The following BBS5 variants were observed in gnomAD, a reference collection of about 807,000 sequenced individuals.
The protein encoded by BBS5 is BBSome complex member BBS5.
In BBS5, 39 loss-of-function variants were observed where a neutral mutation model predicts 50.2. The observed-to-expected ratio is 0.78, with a 90% CI of 0.60 to 1.01. The LOEUF is 1.01. Among genes scored for constraint, BBS5 ranks in the 50% least tolerant of loss-of-function variants. The pLI, the probability that BBS5 is intolerant of heterozygous loss-of-function variation, is 0.00. For synonymous variants in BBS5, 134 were observed against 133.1 expected (o/e 1.01, Z -0.05); for missense variants, 356 against 401.5 (o/e 0.89, Z 0.97).
chr2:169,484,735 G>A (rs1683460384), intron 2 of BBS5, among the ~76,000 whole-genome samples: 1 of 152,150 alleles, frequency 6.6e-6, no homozygotes, highest in Admixed American at 6.5e-5. Context: ...GGTGTAAAAT[G>A]GCATAAGGAA....
Position 169,497,643 on chromosome 2 carries a change from G to C in BBS5, c.635G>C (p.Arg212Thr). 6.3e-7 allele frequency: 1 copy of C among 1,595,446 alleles called. No individual in the cohort carries two copies. The stretch of plus-strand genomic sequence containing the variant: ...TGTATCTAGCGTTCAATAAAGATTA[G>C]AGATTCAAAATTTGGTTTAGCTCTT... Reference protein sequence around the residue: ...PYLQIRSIKIRDSKFGLALVI... With the variant: ...PYLQIRSIKITDSKFGLALVI... Residue 212 changes from arginine (R) to threonine (T), a missense_variant, in exon 8 of 12, where the codon AGA becomes ACA. Transcript: ENST00000295240.
intron 5 of BBS5, among the ~76,000 whole-genome samples, chr2:169,491,295 T>TC (rs1308591568): frequency 2.0e-5 from 3 of 152,088 alleles, no homozygotes; most frequent in Non-Finnish European, 2.9e-5. Flanking sequence ...ACTATGTGCT[T>TC]CCCCCCCAAA....
chr2:169,487,520 G>T (rs553640693), intron 3 of BBS5, among the ~76,000 whole-genome samples: 60 of 151,976 alleles, frequency 3.9e-4, no homozygotes, highest in African/African-American at 1.4e-3. Flanking sequence ...TTCTTTTTTA[G>T]TAGTAGTGCC....
intron 3 of BBS5, 110 bp from the exon 4 acceptor site, chr2:169,487,696 G>A (rs1245826878): frequency 1.4e-6 from 1 of 704,740 alleles, no homozygotes; most frequent in Non-Finnish European, 2.4e-6. Context: ...TTCTATATAT[G>A]TTTAATTTTT....
intron 8 of BBS5, among the ~76,000 whole-genome samples, chr2:169,498,666 G>C (rs538489880): frequency 6.6e-5 from 10 of 152,114 alleles, no homozygotes; most frequent in African/African-American, 2.2e-4. Flanking sequence ...TTAGCCGGGC[G>C]TGGTGGCGGG....
chr2:169,504,438 C>G, intron 11 of BBS5, 43 bp from the exon 12 acceptor site: 1 of 1,590,504 alleles, frequency 6.3e-7, no homozygotes, highest in Non-Finnish European at 8.6e-7. Flanking sequence ...TCTTCCTTGC[C>G]CACCTTCTCT....
chr2:169,484,547 A>T (rs1165083931), intron 2 of BBS5, among the ~76,000 whole-genome samples: 1 of 152,192 alleles, frequency 6.6e-6, no homozygotes, highest in Non-Finnish European at 1.5e-5. Context: ...CAGCAGTTTG[A>T]AAATGACCAA....
chr2:169,487,034 T>A lies in BBS5; in HGVS notation c.143-35T>A, dbSNP rs1216483547. The stretch of plus-strand genomic sequence containing the variant: ...CAGTGCTGCAAAAATGGGTTCTTAT[T>A]TAAGTTAACCTATTTTTTGTCTGTG... On this transcript the variant is annotated intron_variant, in intron 2 of 11. Transcript: ENST00000295240. 11 of 1,477,542 alleles carry A rather than the reference T, an allele frequency of 7.4e-6. 1 individual carries two copies. The South Asian group carries it at 1.1e-4, about 15-fold the overall frequency. The allele number at this position is 1,477,542 out of a possible 1,614,324, so 91.5% of individuals were successfully genotyped here. A position where few individuals can be genotyped will look rare whatever the true frequency, so the allele number is the denominator to read the frequency against.
intron 7 of BBS5, among the ~76,000 whole-genome samples, chr2:169,496,610 C>T (rs1206842492): frequency 3.3e-5 from 5 of 152,068 alleles, no homozygotes; most frequent in African/African-American, 4.8e-5. Flanking sequence ...TGGCTCACGC[C>T]TGTAATCCCA....
chr2:169,505,632 C>A lies in BBS5; in HGVS notation c.*1050C>A, dbSNP rs368799097. 131 of 248,082 alleles carry A rather than the reference C, an allele frequency of 5.3e-4. 1 individual carries two copies. The East Asian group carries it at 0.019, about 35-fold the overall frequency. 15.4% of individuals were successfully genotyped at this position (248,082 alleles called of 1,614,324 possible). A position where few individuals can be genotyped will look rare whatever the true frequency, so the allele number is the denominator to read the frequency against. On this transcript the variant is annotated 3_prime_UTR_variant, in exon 12 of 12. Transcript: ENST00000295240. ...GCGACCCCATTTGGGAGGTGAGGAG[C>A]AACTCTGCCCAGCCGCCCCGTCTGA...
intron 9 of BBS5, among the ~76,000 whole-genome samples, chr2:169,501,725 T>G (rs1445678057): frequency 6.6e-6 from 1 of 152,108 alleles, no homozygotes; most frequent in African/African-American, 2.4e-5. Context: ...CAATGACCTA[T>G]CTCTTAAAGC....
intron 8 of BBS5, among the ~76,000 whole-genome samples, chr2:169,498,452 G>A (rs1485062218): frequency 6.6e-6 from 1 of 152,078 alleles, no homozygotes; most frequent in Non-Finnish European, 1.5e-5. Context: ...TATACCAAAT[G>A]TCATATATAT....
At chr2:169,484,122 C>T (rs1412733501) in intron 2 of BBS5, among the ~76,000 whole-genome samples, 2 of 152,208 alleles carry the variant, frequency 1.3e-5, no homozygotes, top group Non-Finnish European at 2.9e-5. Context: ...ATGGCTCTTG[C>T]CTATAATTCC....
chr2:169,491,302 C>A (rs541427320), intron 5 of BBS5, among the ~76,000 whole-genome samples: 1 of 152,234 alleles, frequency 6.6e-6, no homozygotes, highest in East Asian at 1.9e-4. Context: ...GCTTCCCCCC[C>A]AAAATAATTT....
chr2:169,504,646 G>A lies in BBS5; in HGVS notation c.*64G>A. 7.8e-7 allele frequency: 1 copy of A among 1,278,358 alleles called. No homozygotes were observed. Among genetic ancestry groups the A allele is most frequent in the South Asian group, 1.2e-5 (1 of 84,076 alleles). The allele number at this position is 1,278,358 out of a possible 1,614,324, so 79.2% of individuals were successfully genotyped here. On this transcript the variant is annotated 3_prime_UTR_variant, in exon 12 of 12. Coordinates refer to ENST00000295240, the MANE Select transcript of BBS5 (RefSeq NM_152384.3). ...TCTAGTTTAAAGATACTAGTCACCT[G>A]CCATAAGTCATGGAATAGTTTTTAT... is the stretch of plus-strand genomic sequence containing the variant.
rs558611620 is a variant in BBS5, at chr2:169,490,254, G to T, written c.386+2140G>T. The stretch of plus-strand genomic sequence containing the variant: ...GTCGCCCAGGCTGGAGTGCAGTGGC[G>T]CGATGGTCGGCTCACTGCAAGCTCC... On this transcript the variant is annotated intron_variant, in intron 5 of 11. Transcript: ENST00000295240. Among the ~76,000 whole-genome samples, 4 of 136,478 alleles carry T rather than the reference G, an allele frequency of 2.9e-5. No individual in the cohort carries two copies. In the South Asian group the frequency reaches 9.4e-4, roughly 32 times the overall value. The allele number at this position is 136,478 out of a possible 152,430, so 89.5% of individuals were successfully genotyped here.
rs1401017327 is a variant in BBS5, at chr2:169,499,486, A to AGT, written c.684_685dup (p.Gly229ValfsTer10). ...TTTTTTATTATTTTTTCTCTTGTAGAGTGGTGGATATGTTCTTGGCTTTAA... is the reference window on the plus strand; with the variant it reads ...TTTTTTATTATTTTTTCTCTTGTAGAGTGTGGTGGATATGTTCTTGGCTTTAA... On this transcript the variant is annotated frameshift_variant and splice_region_variant, in exon 9 of 12. Transcript: ENST00000295240. LOFTEE classifies it high-confidence loss of function. 6.2e-7 allele frequency: 1 copy of AGT among 1,612,632 alleles called. No individual in the cohort carries two copies. The highest frequency in any genetic ancestry group is 2.2e-5 in the East Asian group (1 of 44,798).
rs1218393452 is a variant in BBS5 at position 169,499,553 on chromosome 2, TCAATTCACTTCA to T, written c.753_764del (p.Asn251_His254del). ...AAACTACAAGAATCAGTTAAGGAAATCAATTCACTTCACAAAGTCTATTCTGCCAGTCCCATA... is the reference window on the plus strand; with the variant it reads ...AAACTACAAGAATCAGTTAAGGAAATCAAAGTCTATTCTGCCAGTCCCATA... On this transcript the variant is annotated inframe_deletion, in exon 9 of 12. Coordinates refer to ENST00000295240, the MANE Select transcript of BBS5 (RefSeq NM_152384.3). The T allele has an allele frequency of 6.2e-7, 1 of 1,613,470 alleles. No individual in the cohort carries two copies. Among genetic ancestry groups the T allele is most frequent in the Non-Finnish European group, 8.5e-7 (1 of 1,179,434 alleles).
chr2:169,497,071 G>C (rs1473408542), intron 7 of BBS5, among the ~76,000 whole-genome samples: 1 of 152,184 alleles, frequency 6.6e-6, no homozygotes, highest in Non-Finnish European at 1.5e-5. Context: ...TGTAACCCCA[G>C]CACTTTGGGA....
Sources: gnomAD v4.1 joint callset for allele counts (sites outside exome capture counted in the v4.1 genomes callset) on GRCh38, gnomAD v4.1.1 for gene constraint, MANE v1.5 for transcripts, NCBI Gene and HGNC (gene_info 2026-07-23, HGNC 2026-07-21) for gene names.